CNTN3: variants seen among roughly 807,000 people sequenced by gnomAD.
CNTN3 encodes the protein contactin 3.
CNTN3 carries 60 observed loss-of-function variants against 119.1 expected under a neutral mutation model. The ratio of observed to expected loss-of-function variants is 0.50; its 90% CI spans 0.41 to 0.62. The LOEUF is 0.62. Ranked by LOEUF, CNTN3 falls within the 20% of genes least tolerant of loss-of-function variation. The pLI is 0.00. For synonymous variants in CNTN3, 450 were observed against 438.7 expected (o/e 1.03, Z -0.32); for missense variants, 1,101 against 1,242.4 (o/e 0.89, Z 1.71).
At chr3:74,324,361 G>A (rs1703079602) in intron 13 of CNTN3, among the ~76,000 whole-genome samples, 1 of 151,982 alleles carries the variant, frequency 6.6e-6, no homozygotes, top group African/African-American at 2.4e-5. Context: ...ACAGGTGTGT[G>A]CCACCTCGCC....
At chr3:74,355,143 C>A (rs190361700) in intron 11 of CNTN3, among the ~76,000 whole-genome samples, 1 of 151,950 alleles carries the variant, frequency 6.6e-6, no homozygotes, top group East Asian at 1.9e-4. Flanking sequence ...ATCCTATTTG[C>A]CCTCATTTCT....
intron 3 of CNTN3, among the ~76,000 whole-genome samples, chr3:74,489,474 C>T (rs1702922587): frequency 6.9e-6 from 1 of 145,970 alleles, no homozygotes; most frequent in Non-Finnish European, 1.5e-5. Context: ...CTTCCTCTCT[C>T]CCTCCCTTCT....
chr3:74,530,221 C>G (rs1703674834), intron 1 of CNTN3, among the ~76,000 whole-genome samples: 1 of 151,916 alleles, frequency 6.6e-6, no homozygotes, highest in Non-Finnish European at 1.5e-5. Flanking sequence ...GACTGGAAGA[C>G]AGAGGTCTGT....
intron 11 of CNTN3, among the ~76,000 whole-genome samples, chr3:74,353,513 T>G (rs1287481851): frequency 2.0e-5 from 3 of 152,138 alleles, no homozygotes; most frequent in African/African-American, 7.2e-5. Flanking sequence ...TCCCAGCACT[T>G]TGGGAGGCCG....
rs1362233868 is a variant in CNTN3, at chr3:74,350,087, T to C, written c.1364+11803A>G. Among the ~76,000 whole-genome samples the C allele has an allele frequency of 4.6e-5, 7 of 152,190 alleles. No individual in the cohort carries two copies. The East Asian group carries it at 1.3e-3, about 29-fold the overall frequency. On this transcript the variant is annotated intron_variant, in intron 11 of 22. Transcript: ENST00000263665. ...CTGCATGGTTAGCTGCAAAATTTAGTTGATATGATTTTAGAGACCATGTGT... is the reference window on the plus strand; with the variant it reads ...CTGCATGGTTAGCTGCAAAATTTAGCTGATATGATTTTAGAGACCATGTGT...
intron 5 of CNTN3, among the ~76,000 whole-genome samples, chr3:74,386,904 C>T (rs9817153): frequency 5.9e-5 from 9 of 152,284 alleles, no homozygotes; most frequent in African/African-American, 2.2e-4. Context: ...AATGTAGGTT[C>T]TGTGGGAGAA....
rs910295231 is a variant in CNTN3 at position 74,426,544 on chromosome 3, G to A, written c.359-1604C>T. On this transcript the variant is annotated intron_variant, in intron 4 of 22. Coordinates refer to ENST00000263665, the MANE Select transcript of CNTN3 (RefSeq NM_020872.3). ...AAATAAGAGGGCCTATGTGCCTCAC[G>A]TTATTGTTACTGAAAAATAGTATTA... is the stretch of plus-strand genomic sequence containing the variant. 3.9e-5 allele frequency among the ~76,000 whole-genome samples: 6 copies of A among 152,242 alleles called. No homozygotes were observed. In the East Asian group the frequency reaches 1.2e-3, roughly 29 times the overall value.
At chr3:74,597,651 G>C (rs1220551908) in intron 1 of CNTN3, among the ~76,000 whole-genome samples, 1 of 151,974 alleles carries the variant, frequency 6.6e-6, no homozygotes, top group Non-Finnish European at 1.5e-5. Flanking sequence ...TTTGCATATG[G>C]AAATTTTAAA....
intron 5 of CNTN3, among the ~76,000 whole-genome samples, chr3:74,387,644 A>G (rs1255681964): frequency 6.6e-6 from 1 of 152,216 alleles, no homozygotes; most frequent in Non-Finnish European, 1.5e-5. Flanking sequence ...CTAACTTGCT[A>G]TTTCCAAATG....
intron 4 of CNTN3, among the ~76,000 whole-genome samples, chr3:74,449,983 C>A (rs1702118290): frequency 6.6e-6 from 1 of 152,066 alleles, no homozygotes; most frequent in South Asian, 2.1e-4. Context: ...TTGTTATGAT[C>A]ATATGTAGTT....
intron 1 of CNTN3, among the ~76,000 whole-genome samples, chr3:74,605,427 T>C (rs902543078): frequency 1.3e-4 from 20 of 152,112 alleles, no homozygotes; most frequent in African/African-American, 4.6e-4. Flanking sequence ...TAAAAGTAAT[T>C]ATATTAATTT....
At chr3:74,414,796 A>G (rs1202532901) in intron 5 of CNTN3, among the ~76,000 whole-genome samples, 3 of 151,956 alleles carry the variant, frequency 2.0e-5, no homozygotes, top group African/African-American at 7.2e-5. Context: ...ATGCGCTGTA[A>G]TGGAAGCAAC....
rs147313922 is a variant in CNTN3, at chr3:74,280,252, G to A, written c.2704+5053C>T. ...AACTGATTTTGGCTCCACTTACATG[G>A]ATGAGCATTTCATTTAGAAAAGCAA... On this transcript the variant is annotated intron_variant, in intron 20 of 22. Coordinates refer to ENST00000263665, the MANE Select transcript of CNTN3 (RefSeq NM_020872.3). Among the ~76,000 whole-genome samples, 1,049 of 152,248 alleles carry A rather than the reference G, an allele frequency of 6.9e-3. 17 individuals are homozygous for A. The highest frequency in any genetic ancestry group is 0.022 in the African/African-American group (934 of 41,538).
chr3:74,306,644 A>G (rs1190469398), intron 13 of CNTN3, among the ~76,000 whole-genome samples: 1 of 152,086 alleles, frequency 6.6e-6, no homozygotes, highest in South Asian at 2.1e-4. Context: ...CTTTTTTTCT[A>G]TGCTGCTGTC....
chr3:74,329,441 C>T (rs1241498834), intron 13 of CNTN3, among the ~76,000 whole-genome samples: 1 of 152,078 alleles, frequency 6.6e-6, no homozygotes, highest in East Asian at 1.9e-4. Flanking sequence ...GTAACTGCAC[C>T]ACATAGGGTT....
At chr3:74,612,733 CAT>C (rs1380368674) in intron 1 of CNTN3, among the ~76,000 whole-genome samples, 2 of 152,148 alleles carry the variant, frequency 1.3e-5, no homozygotes, top group African/African-American at 4.8e-5. Context: ...CCTCAAACCA[CAT>C]GTTTACTCTC....
intron 19 of CNTN3, among the ~76,000 whole-genome samples, chr3:74,289,771 T>C (rs1702187335): frequency 6.6e-6 from 1 of 152,192 alleles, no homozygotes; most frequent in African/African-American, 2.4e-5. Flanking sequence ...GAGCCCAAAC[T>C]GCAGTTATTC....
chr3:74,397,241 G>A (rs545641490), intron 5 of CNTN3, among the ~76,000 whole-genome samples: 2 of 152,174 alleles, frequency 1.3e-5, no homozygotes, highest in Admixed American at 6.5e-5. Flanking sequence ...TTACAGCAAT[G>A]GTTTACCAAA....
At chr3:74,516,039 A>G (rs1703444884) in intron 2 of CNTN3, among the ~76,000 whole-genome samples, 1 of 151,972 alleles carries the variant, frequency 6.6e-6, no homozygotes, top group Admixed American at 6.6e-5. Flanking sequence ...TCTGTAGAAG[A>G]ATGTACAACA....
Sources: gnomAD v4.1 joint callset for allele counts (sites outside exome capture counted in the v4.1 genomes callset) on GRCh38, gnomAD v4.1.1 for gene constraint, MANE v1.5 for transcripts, NCBI Gene and HGNC (gene_info 2026-07-23, HGNC 2026-07-21) for gene names.